TBCK: variants seen among roughly 807,000 people sequenced by gnomAD.
TBCK encodes the protein TBC1 domain containing kinase.
Under a neutral mutation model 113.4 loss-of-function variants are expected in TBCK, and 99 were observed. The ratio of observed to expected loss-of-function variants is 0.87; its 90% confidence interval spans 0.74 to 1.03. The LOEUF (loss-of-function observed/expected upper bound fraction) is 1.03. Ranked by LOEUF, TBCK falls within the 50% of genes least tolerant of loss-of-function variation. TBCK has a pLI of 0.00. For missense variants in TBCK, 1,045 were observed against 1,061.3 expected (o/e 0.98, Z 0.21); for synonymous variants, 369 against 370.8 (o/e 1.00, Z 0.05).
chr4:106,125,341 GAATA>G (rs1418822538), intron 23 of TBCK, among the ~76,000 whole-genome samples: 1 of 151,978 alleles, frequency 6.6e-6, no homozygotes, highest in Non-Finnish European at 1.5e-5. Flanking sequence ...ATCAATGGAT[GAATA>G]AAGAAAATAT....
chr4:106,152,147 G>A (rs1260667935), intron 23 of TBCK, among the ~76,000 whole-genome samples: 1 of 151,800 alleles, frequency 6.6e-6, no homozygotes, highest in African/African-American at 2.4e-5. Context: ...AGTGGGCCAT[G>A]CTTGTTACAT....
chr4:106,071,722 T>C (rs1300317377), intron 25 of TBCK, among the ~76,000 whole-genome samples: 1 of 152,182 alleles, frequency 6.6e-6, no homozygotes, highest in East Asian at 1.9e-4. Flanking sequence ...ATTATTATTG[T>C]GTGGGAGTCT....
rs1272061420 is a variant in TBCK at position 106,217,903 on chromosome 4, A to G, written c.1775-5068T>C. On this transcript the variant is annotated intron_variant, in intron 19 of 25. Transcript: ENST00000394708. ...CATATGGAACCAAAAAAGAGCCCGC[A>G]TCGCCAAGTCAATCCTAAGCCAAAA... 6.9e-5 allele frequency among the ~76,000 whole-genome samples: 10 copies of G among 145,744 alleles called. No homozygotes were observed. In the East Asian group the frequency reaches 1.0e-3, roughly 15 times the overall value.
intron 25 of TBCK, among the ~76,000 whole-genome samples, chr4:106,060,679 AG>A (rs1341756032): frequency 6.6e-6 from 1 of 151,784 alleles, no homozygotes; most frequent in Non-Finnish European, 1.5e-5. Context: ...TTCAACCTTC[AG>A]GTCTTATTCT....
intron 22 of TBCK, among the ~76,000 whole-genome samples, chr4:106,177,298 ACT>A (rs1751792166): frequency 6.6e-6 from 1 of 151,488 alleles, no homozygotes; most frequent in African/African-American, 2.4e-5. Context: ...TTGTTTCTTC[ACT>A]CTGTTGATTG....
chr4:106,125,356 A>G (rs939499140), intron 23 of TBCK, among the ~76,000 whole-genome samples: 12 of 152,302 alleles, frequency 7.9e-5, no homozygotes, highest in Non-Finnish European at 1.5e-4. Flanking sequence ...AAGAAAATAT[A>G]TATTTATTAA....
At chr4:106,173,062 C>T (rs371127673) in intron 22 of TBCK, among the ~76,000 whole-genome samples, 1 of 152,068 alleles carries the variant, frequency 6.6e-6, no homozygotes, top group African/African-American at 2.4e-5. Flanking sequence ...TGATGTTTAC[C>T]AACTTCACAG....
At chr4:106,150,060 TAAG>T (rs1374512579) in intron 23 of TBCK, among the ~76,000 whole-genome samples, 1 of 152,140 alleles carries the variant, frequency 6.6e-6, no homozygotes, top group Non-Finnish European at 1.5e-5. Flanking sequence ...CAAAATGGCG[TAAG>T]AAGAGTGGGG....
intron 25 of TBCK, among the ~76,000 whole-genome samples, chr4:106,063,969 A>G (rs1736338424): frequency 6.6e-6 from 1 of 151,982 alleles, no homozygotes; most frequent in Non-Finnish European, 1.5e-5. Flanking sequence ...CAAAGAGACT[A>G]GCAAAAGGTA....
intron 23 of TBCK, among the ~76,000 whole-genome samples, chr4:106,150,895 G>A (rs1469424404): frequency 6.6e-6 from 1 of 151,882 alleles, no homozygotes; most frequent in Non-Finnish European, 1.5e-5. Context: ...CAAATATATT[G>A]AGAACATACT....
At chr4:106,146,970 T>C (rs1747873325) in intron 23 of TBCK, among the ~76,000 whole-genome samples, 1 of 152,250 alleles carries the variant, frequency 6.6e-6, no homozygotes, top group South Asian at 2.1e-4. Context: ...TCACAGCATC[T>C]GTACCAGGAG....
At chr4:106,083,102 C>T (rs1348325568) in intron 25 of TBCK, among the ~76,000 whole-genome samples, 1 of 152,256 alleles carries the variant, frequency 6.6e-6, no homozygotes, top group South Asian at 2.1e-4. Flanking sequence ...CTGGCTGCGG[C>T]TACCTGCTGT....
intron 3 of TBCK, among the ~76,000 whole-genome samples, chr4:106,289,404 T>G (rs1406265565): frequency 6.6e-6 from 1 of 152,206 alleles, no homozygotes; most frequent in East Asian, 1.9e-4. Flanking sequence ...TGTCAAGAAA[T>G]CTACCATTTA....
chr4:106,206,042 A>G (rs1755461164), intron 20 of TBCK, among the ~76,000 whole-genome samples: 1 of 152,150 alleles, frequency 6.6e-6, no homozygotes. Flanking sequence ...TTATAAATAC[A>G]TAAATATATT....
intron 2 of TBCK, among the ~76,000 whole-genome samples, chr4:106,301,958 ATT>A (rs1766992770): frequency 6.6e-6 from 1 of 152,210 alleles, no homozygotes; most frequent in Non-Finnish European, 1.5e-5. Flanking sequence ...GAAACTTCAA[ATT>A]TTTCAAAGTA....
intron 23 of TBCK, among the ~76,000 whole-genome samples, chr4:106,121,836 GAC>G (rs1744427056): frequency 6.6e-6 from 1 of 151,918 alleles, no homozygotes; most frequent in African/African-American, 2.4e-5. Flanking sequence ...CGAGAACAAA[GAC>G]ACAACATACC....
intron 19 of TBCK, among the ~76,000 whole-genome samples, chr4:106,214,185 C>G (rs1053922943): frequency 2.0e-5 from 3 of 152,232 alleles, no homozygotes; most frequent in Admixed American, 1.3e-4. Context: ...AACTAACAAA[C>G]AGAAAGGACA....
chr4:106,139,504 ATTTAT>A (rs1560708057), intron 23 of TBCK, among the ~76,000 whole-genome samples: 1 of 141,782 alleles, frequency 7.1e-6, no homozygotes, highest in East Asian at 2.0e-4. Flanking sequence ...ATCTTTAATC[ATTTAT>A]TTTAACACAC....
intron 3 of TBCK, among the ~76,000 whole-genome samples, chr4:106,281,568 A>G (rs1283352149): frequency 6.6e-6 from 1 of 152,036 alleles, no homozygotes; most frequent in East Asian, 1.9e-4. Flanking sequence ...CCTGTCATAC[A>G]TGGCTTTTAT....
Sources: allele counts gnomAD v4.1 joint callset (sites outside exome capture counted in the v4.1 genomes callset), GRCh38; gene constraint gnomAD v4.1.1; transcripts MANE v1.5; gene names NCBI Gene and HGNC (gene_info 2026-07-23, HGNC 2026-07-21).